Variants in KLHL32 observed in about 807,000 individuals in gnomAD.
KLHL32 encodes the protein kelch like family member 32.
A neutral mutation model predicts 64.8 loss-of-function variants in KLHL32; 35 were observed. The observed-to-expected ratio is 0.54, with a 90% confidence interval of 0.41 to 0.72. The LOEUF is 0.72. Ranked by LOEUF, KLHL32 falls within the 30% of genes least tolerant of loss-of-function variation. The pLI is 0.00. For synonymous variants in KLHL32, 259 were observed against 281.0 expected, an observed-to-expected ratio of 0.92 and a Z score of 0.78; for missense variants, 589 against 768.5, an observed-to-expected ratio of 0.77 and a Z score of 2.76.
chr6:96,978,593 T>C (rs77250659), intron 3 of KLHL32, among the ~76,000 whole-genome samples: 19,692 of 152,270 alleles, frequency 0.13, 1,569 homozygotes, highest in East Asian at 0.26. Flanking sequence ...TGAATAGCGC[T>C]ACAGTGAACA....
At chr6:97,088,182 A>G (rs1056473288) in intron 6 of KLHL32, among the ~76,000 whole-genome samples, 3 of 152,206 alleles carry the variant, frequency 2.0e-5, no homozygotes, top group African/African-American at 7.2e-5. Context: ...GGATAAGGAC[A>G]TAGAAGTTCC....
At chr6:96,949,717 GT>G (rs1368514666) in intron 1 of KLHL32, among the ~76,000 whole-genome samples, 3 of 152,050 alleles carry the variant, frequency 2.0e-5, no homozygotes, top group African/African-American at 7.2e-5. Flanking sequence ...AATATTCATA[GT>G]GTAATTGGTA....
At chr6:96,935,017 G>A (rs2127993822) in intron 1 of KLHL32, among the ~76,000 whole-genome samples, 1 of 152,324 alleles carries the variant, frequency 6.6e-6, no homozygotes, top group Middle Eastern at 3.4e-3. Context: ...ATATGCAATT[G>A]TTAAGCACCA....
chr6:96,999,876 AG>A (rs1241596223), intron 3 of KLHL32, among the ~76,000 whole-genome samples: 3 of 152,226 alleles, frequency 2.0e-5, no homozygotes, highest in African/African-American at 7.2e-5. Flanking sequence ...CATGCAAAAA[AG>A]TTTGTGCCGG....
At chr6:96,954,997 T>A (rs1179878890) in intron 1 of KLHL32, among the ~76,000 whole-genome samples, 1 of 152,196 alleles carries the variant, frequency 6.6e-6, no homozygotes, top group Admixed American at 6.5e-5. Context: ...AGATTCAATG[T>A]CTGGGGAAGA....
chr6:97,035,378 C>T (rs910617580), intron 3 of KLHL32, among the ~76,000 whole-genome samples: 14 of 152,068 alleles, frequency 9.2e-5, no homozygotes, highest in African/African-American at 3.1e-4. Flanking sequence ...ACCACCATTA[C>T]AGTGTTACAT....
At chr6:97,060,342 A>C (rs1434252237) in intron 4 of KLHL32, among the ~76,000 whole-genome samples, 1 of 152,172 alleles carries the variant, frequency 6.6e-6, no homozygotes, top group Non-Finnish European at 1.5e-5. Context: ...AAAGAGAAAA[A>C]GAAGACAGAA....
intron 4 of KLHL32, among the ~76,000 whole-genome samples, chr6:97,053,630 C>T (rs1445367917): frequency 4.6e-5 from 7 of 151,952 alleles, no homozygotes; most frequent in Non-Finnish European, 7.4e-5. Flanking sequence ...TCTTCAGATG[C>T]CCATATGTCT....
intron 4 of KLHL32, among the ~76,000 whole-genome samples, chr6:97,055,797 A>AAAAC (rs1787732661): frequency 1.3e-5 from 1 of 78,610 alleles, no homozygotes; most frequent in African/African-American, 9.8e-5. Context: ...GAACCTGTCT[A>AAAAC]AAAAAAAAAA....
intron 4 of KLHL32, among the ~76,000 whole-genome samples, chr6:97,047,601 T>C (rs1786130100): frequency 6.6e-6 from 1 of 152,196 alleles, no homozygotes; most frequent in Non-Finnish European, 1.5e-5. Context: ...CTTACTCTCC[T>C]CACTTTGAAA....
At chr6:97,075,635 A>T (rs17451740) in intron 5 of KLHL32, among the ~76,000 whole-genome samples, 13,855 of 152,126 alleles carry the variant, frequency 0.091, 719 homozygotes, top group Middle Eastern at 0.16. Context: ...CCTGTTCCAA[A>T]GGCCAGACCT....
At chr6:97,121,811 C>T (rs1223066701) in intron 7 of KLHL32, among the ~76,000 whole-genome samples, 1 of 152,068 alleles carries the variant, frequency 6.6e-6, no homozygotes. Context: ...ATATCATTTG[C>T]TTTATTCCCA....
chr6:97,107,475 C>T (rs1796577987), intron 6 of KLHL32, among the ~76,000 whole-genome samples: 1 of 152,174 alleles, frequency 6.6e-6, no homozygotes. Flanking sequence ...AGTCGGTTAA[C>T]TTGTCTGGTT....
chr6:96,975,210 G>A (rs1775559337), intron 2 of KLHL32, among the ~76,000 whole-genome samples: 1 of 152,174 alleles, frequency 6.6e-6, no homozygotes, highest in Admixed American at 6.5e-5. Context: ...AGAGAGTGAA[G>A]GGGTAAGTTT....
chr6:97,041,206 G>A (rs1488320079), intron 3 of KLHL32, among the ~76,000 whole-genome samples: 2 of 152,118 alleles, frequency 1.3e-5, no homozygotes, highest in Non-Finnish European at 2.9e-5. Context: ...AAGAGAAAGC[G>A]TTCGGTGGGC....
At chr6:97,018,193 G>A (rs534604868) in intron 3 of KLHL32, among the ~76,000 whole-genome samples, 1 of 152,018 alleles carries the variant, frequency 6.6e-6, no homozygotes. Flanking sequence ...GAGAAAAAAA[G>A]AAACAGAGAA....
At chr6:96,923,053 AGCTTGG>A (rs1768803137), upstream of KLHL32, among the ~76,000 whole-genome samples, 1 of 152,232 alleles carries the variant, frequency 6.6e-6, no homozygotes, top group African/African-American at 2.4e-5. Flanking sequence ...TGAGACACTC[AGCTTGG>A]GCAGTAAGAG....
chr6:96,931,234 C>T (rs1769844042), intron 1 of KLHL32, among the ~76,000 whole-genome samples: 1 of 152,186 alleles, frequency 6.6e-6, no homozygotes, highest in South Asian at 2.1e-4. Flanking sequence ...GCACCACGAC[C>T]TCACTCATTC....
chr6:97,027,803 C>T (rs561902793), intron 3 of KLHL32, among the ~76,000 whole-genome samples: 1 of 152,206 alleles, frequency 6.6e-6, no homozygotes, highest in East Asian at 1.9e-4. Flanking sequence ...TACAAAACTT[C>T]GAGCATTGGC....
Sources: gnomAD v4.1 joint callset for allele counts (sites outside exome capture counted in the v4.1 genomes callset) on GRCh38, gnomAD v4.1.1 for gene constraint, MANE v1.5 for transcripts, NCBI Gene and HGNC (gene_info 2026-07-23, HGNC 2026-07-21) for gene names.